CUX2: variants seen among roughly 807,000 people sequenced by gnomAD.
The protein encoded by CUX2 is homeobox protein cut-like 2.
Under a neutral mutation model 144.8 loss-of-function variants are expected in CUX2, and 40 were observed. The observed-to-expected ratio is 0.28, with a 90% CI of 0.21 to 0.36. CUX2 has a LOEUF of 0.36. Ranked by LOEUF, CUX2 falls within the 10% of genes least tolerant of loss-of-function variation. The pLI, the probability that CUX2 is intolerant of heterozygous loss-of-function variation, is 1.00. For missense variants in CUX2, 1,615 were observed against 1,994.0 expected, an observed-to-expected ratio of 0.81 and a Z score of 3.62; for synonymous variants, 827 against 875.6, an observed-to-expected ratio of 0.94 and a Z score of 0.98.
intron 1 of CUX2, among the ~76,000 whole-genome samples, chr12:111,064,782 G>A (rs976578252): frequency 1.3e-5 from 2 of 152,142 alleles, no homozygotes; most frequent in African/African-American, 4.8e-5. Flanking sequence ...TGTGAAATTG[G>A]GCAAGTGAAT....
intron 7 of CUX2, 37 bp from the exon 8 acceptor site, chr12:111,296,436 G>A (rs370702530): frequency 2.3e-5 from 37 of 1,575,096 alleles, no homozygotes; most frequent in African/African-American, 1.2e-4. Context: ...CTTCCCACTC[G>A]GAGGTGGGGC....
chr12:111,206,780 TAG>T (rs1880944326), intron 1 of CUX2, among the ~76,000 whole-genome samples: 1 of 152,188 alleles, frequency 6.6e-6, no homozygotes, highest in Non-Finnish European at 1.5e-5. Flanking sequence ...GTTGGGTGAA[TAG>T]ATGAATGGAT....
At chr12:111,070,833 A>G (rs747756596) in intron 1 of CUX2, among the ~76,000 whole-genome samples, 10 of 152,208 alleles carry the variant, frequency 6.6e-5, no homozygotes, top group African/African-American at 9.7e-5. Context: ...TGCCTTTTCC[A>G]GAATTCCATA....
chr12:111,348,023 T>G lies in CUX2; in HGVS notation c.4159T>G (p.Ser1387Ala). Residue 1387 changes from serine to alanine, a missense_variant, in exon 22 of 22, where the codon TCA becomes GCA. Ser to Ala is a moderately conservative substitution (Grantham distance 99). Coordinates refer to ENST00000261726, the MANE Select transcript of CUX2 (RefSeq NM_015267.4). ...PLSFKSASES[S>A]RCSLEVSLNS... ...AAGTTTTAAGTCAGCCTCAGAGTCC[T>G]CACGCTGCAGCCTGGAGGTGTCACT... The G allele has an allele frequency of 6.2e-7, 1 of 1,614,062 alleles. No individual in the cohort carries two copies. The highest frequency in any genetic ancestry group is 8.5e-7 in the Non-Finnish European group (1 of 1,180,010).
At chr12:111,252,322 G>C (rs998155614) in intron 3 of CUX2, among the ~76,000 whole-genome samples, 2 of 152,228 alleles carry the variant, frequency 1.3e-5, no homozygotes, top group African/African-American at 2.4e-5. Context: ...GGCTCTGAAA[G>C]GGAAAATGAC....
In CUX2 at chr12:111,350,406, C is replaced by G. The variant is rs1889001667; in HGVS notation, c.*2081C>G. 1 of 152,420 alleles carries G rather than the reference C, an allele frequency of 6.6e-6. No homozygotes were observed. The highest frequency in any genetic ancestry group is 1.5e-5 in the Non-Finnish European group (1 of 68,026). 9.4% of individuals were successfully genotyped at this position (152,420 alleles called of 1,614,324 possible). A position where few individuals can be genotyped will look rare whatever the true frequency, so the allele number is the denominator to read the frequency against. On this transcript the variant is annotated 3_prime_UTR_variant, in exon 22 of 22. Transcript: ENST00000261726. The stretch of plus-strand genomic sequence containing the variant: ...TTAAAGCTAGCGGACCCGTGAACAA[C>G]TTTGTCAGGTTCACGTCCTATAACG...
intron 1 of CUX2, among the ~76,000 whole-genome samples, chr12:111,096,004 G>A (rs548026108): frequency 3.3e-5 from 5 of 152,326 alleles, no homozygotes; most frequent in East Asian, 1.9e-4. Context: ...GTGCAAGTCC[G>A]AGCCTCCTCG....
At chr12:111,324,230 A>G (rs1887669167) in intron 18 of CUX2, among the ~76,000 whole-genome samples, 1 of 151,600 alleles carries the variant, frequency 6.6e-6, no homozygotes, top group Non-Finnish European at 1.5e-5. Flanking sequence ...TGCACATGTA[A>G]TCTTAGCTGC....
chr12:111,308,152 T>C, intron 12 of CUX2, 133 bp from the exon 13 acceptor site: 2 of 996,374 alleles, frequency 2.0e-6, no homozygotes, highest in Non-Finnish European at 3.1e-6. Context: ...TTGCAATGAC[T>C]CTGGAATTAA....
intron 1 of CUX2, among the ~76,000 whole-genome samples, chr12:111,092,805 A>AT (rs528129107): frequency 0.098 from 10,408 of 105,936 alleles, 900 homozygotes; most frequent in East Asian, 0.31. Context: ...GCTCTGGCAG[A>AT]TTTTTTTTTT....
chr12:111,199,906 TCA>T (rs1450986738), intron 1 of CUX2, among the ~76,000 whole-genome samples: 1 of 151,902 alleles, frequency 6.6e-6, no homozygotes, highest in Non-Finnish European at 1.5e-5. Flanking sequence ...CCATCTACAG[TCA>T]CAGAGGAAAA....
intron 1 of CUX2, among the ~76,000 whole-genome samples, chr12:111,137,104 ATT>A (rs1242985153): frequency 0.01 from 1,463 of 142,470 alleles, 30 homozygotes; most frequent in African/African-American, 0.036. Context: ...CACCTGGCTA[ATT>A]TTTTTTTTTT....
intron 1 of CUX2, among the ~76,000 whole-genome samples, chr12:111,170,585 ACT>A (rs1311576091): frequency 1.8e-5 from 2 of 110,744 alleles, no homozygotes; most frequent in Non-Finnish European, 3.3e-5. Context: ...ACGGTGTGTC[ACT>A]CTGTCACCCA....
intron 21 of CUX2, among the ~76,000 whole-genome samples, chr12:111,343,787 G>T (rs564744033): frequency 2.6e-5 from 4 of 152,178 alleles, no homozygotes; most frequent in African/African-American, 9.7e-5. Flanking sequence ...TTGACCGGGC[G>T]CAGTGGCTCA....
chr12:111,306,853 T>G (rs1886609153), intron 10 of CUX2, 68 bp from the exon 11 acceptor site: 1 of 1,322,470 alleles, frequency 7.6e-7, no homozygotes, highest in Non-Finnish European at 1.0e-6. Flanking sequence ...GATTCAGGGG[T>G]GGGGAGGCCA....
intron 1 of CUX2, among the ~76,000 whole-genome samples, chr12:111,162,341 A>G (rs961991372): frequency 1.3e-5 from 2 of 152,196 alleles, no homozygotes; most frequent in Admixed American, 1.3e-4. Context: ...TGGGCTTCTC[A>G]GAGCTCTGGG....
At chr12:111,149,196 T>A (rs1876885626) in intron 1 of CUX2, among the ~76,000 whole-genome samples, 1 of 152,184 alleles carries the variant, frequency 6.6e-6, no homozygotes. Flanking sequence ...TTGTCCAACC[T>A]GTGGCCTAGG....
At chr12:111,308,612 C>A in intron 14 of CUX2, 86 bp downstream of exon 14, 4 of 1,133,480 alleles carry the variant, frequency 3.5e-6, no homozygotes, top group Non-Finnish European at 5.1e-6. Context: ...AGGACCACTG[C>A]CTTCCATGCA....
In CUX2 at chr12:111,348,635, A is replaced by G. The variant is rs1446560227; in HGVS notation, c.*310A>G. On this transcript the variant is annotated 3_prime_UTR_variant, in exon 22 of 22. Coordinates refer to ENST00000261726, the MANE Select transcript of CUX2 (RefSeq NM_015267.4). Reference sequence around the variant, plus strand: ...TCCAAACTCTTTTAGAAAAATAAATAAATATTTATAGACCTCTTTTAGATA... The same window carrying G: ...TCCAAACTCTTTTAGAAAAATAAATGAATATTTATAGACCTCTTTTAGATA... The G allele has an allele frequency of 3.7e-6, 1 of 273,022 alleles. No individual in the cohort carries two copies. Among genetic ancestry groups the G allele is most frequent in the Admixed American group, 4.8e-5 (1 of 20,770 alleles). The allele number at this position is 273,022 out of a possible 1,614,324, so 16.9% of individuals were successfully genotyped here. A position where few individuals can be genotyped will look rare whatever the true frequency, so the allele number is the denominator to read the frequency against.
Sources: allele counts gnomAD v4.1 joint callset (sites outside exome capture counted in the v4.1 genomes callset), GRCh38; gene constraint gnomAD v4.1.1; transcripts MANE v1.5; gene names NCBI Gene and HGNC (gene_info 2026-07-23, HGNC 2026-07-21).